Variants in CSMD1 observed in about 807,000 individuals in gnomAD.
CSMD1 encodes the protein CUB and sushi domain-containing protein 1.
In CSMD1, 213 loss-of-function variants were observed where a neutral mutation model predicts 417.5. The observed-to-expected ratio is 0.51, with a 90% confidence interval of 0.46 to 0.57. CSMD1 has a LOEUF of 0.57. CSMD1 is among the 20% of genes least tolerant of loss of function. CSMD1 has a pLI of 0.00. For synonymous variants in CSMD1, 2,862 were observed against 1,736.8 expected (o/e 1.65, Z -16.11); for missense variants, 6,923 against 4,529.7 (o/e 1.53, Z -15.17).
chr8:3,778,620 AC>A (rs1296715252), intron 5 of CSMD1, among the ~76,000 whole-genome samples: 1 of 152,058 alleles, frequency 6.6e-6, no homozygotes, highest in Non-Finnish European at 1.5e-5. Flanking sequence ...TCTGTTCTGC[AC>A]CTCTCCTTCC....
chr8:4,757,196 T>A (rs1446388369), intron 1 of CSMD1, among the ~76,000 whole-genome samples: 1 of 152,208 alleles, frequency 6.6e-6, no homozygotes, highest in Non-Finnish European at 1.5e-5. Flanking sequence ...TTATCAATAT[T>A]AGTTTAGCTG....
chr8:3,212,091 T>C (rs1385041220), intron 30 of CSMD1, among the ~76,000 whole-genome samples: 4 of 152,294 alleles, frequency 2.6e-5, no homozygotes, highest in African/African-American at 9.6e-5. Context: ...TGACCTGTAA[T>C]GCTAGATCAA....
intron 12 of CSMD1, among the ~76,000 whole-genome samples, chr8:3,435,113 C>G (rs897402721): frequency 2.5e-4 from 38 of 152,252 alleles, no homozygotes; most frequent in African/African-American, 7.5e-4. Flanking sequence ...AGACAGCACA[C>G]CCCTACTTCA....
chr8:4,307,400 C>T (rs1325690000), intron 3 of CSMD1, among the ~76,000 whole-genome samples: 4 of 152,152 alleles, frequency 2.6e-5, no homozygotes, highest in African/African-American at 9.7e-5. Flanking sequence ...CTCTTTTCTC[C>T]ACCACAATTC....
At chr8:2,956,546 T>C (rs990346926) in intron 63 of CSMD1, among the ~76,000 whole-genome samples, 1 of 152,076 alleles carries the variant, frequency 6.6e-6, no homozygotes, top group Non-Finnish European at 1.5e-5. Flanking sequence ...CTCCTCCTCC[T>C]GGGTTCACGC....
At position 4,387,770 on chromosome 8, in the gene CSMD1, C is replaced by CT. The variant is rs200960963; in HGVS notation, c.415+32182dup. ...CATATTCAAAAATCCTATCTGAAGG[C>CT]TTATGAGAATTAACAAGACGGATTT... On this transcript the variant is annotated intron_variant, in intron 3 of 69. Coordinates refer to ENST00000635120, the MANE Select transcript of CSMD1 (RefSeq NM_033225.6). Among the ~76,000 whole-genome samples, 219 of 152,124 alleles carry CT rather than the reference C, an allele frequency of 1.4e-3. 2 individuals are homozygous for CT. In the East Asian group the frequency reaches 0.035, roughly 25 times the overall value.
At chr8:4,697,109 T>G (rs1164256675) in intron 1 of CSMD1, among the ~76,000 whole-genome samples, 2 of 151,628 alleles carry the variant, frequency 1.3e-5, no homozygotes, top group Non-Finnish European at 2.9e-5. Flanking sequence ...GAGGGGGAGG[T>G]TGCAGTGAGC....
intron 2 of CSMD1, among the ~76,000 whole-genome samples, chr8:4,565,400 T>G (rs892072956): frequency 3.9e-5 from 6 of 152,146 alleles, no homozygotes; most frequent in African/African-American, 7.2e-5. Context: ...CCTCTTCATT[T>G]TACATTGCAG....
At chr8:3,036,649 A>T (rs539211598) in intron 50 of CSMD1, among the ~76,000 whole-genome samples, 10 of 152,208 alleles carry the variant, frequency 6.6e-5, no homozygotes, top group Non-Finnish European at 1.3e-4. Flanking sequence ...AGAAGCCTAA[A>T]TAACAAGACA....
intron 17 of CSMD1, among the ~76,000 whole-genome samples, 183 bp from the exon 18 acceptor site, chr8:3,387,865 T>C (rs1437912211): frequency 6.6e-6 from 1 of 152,224 alleles, no homozygotes; most frequent in Non-Finnish European, 1.5e-5. Context: ...CCTCGTTTTT[T>C]AAAAGAGAGA....
At chr8:3,081,113 G>T (rs753117940) in intron 49 of CSMD1, among the ~76,000 whole-genome samples, 3 of 152,226 alleles carry the variant, frequency 2.0e-5, no homozygotes, top group Admixed American at 6.5e-5. Context: ...GAGGGACACA[G>T]TGGCATCCAC....
chr8:2,991,950 G>A (rs1222942832), intron 54 of CSMD1, among the ~76,000 whole-genome samples: 2 of 152,182 alleles, frequency 1.3e-5, no homozygotes, highest in Non-Finnish European at 2.9e-5. Context: ...CTACTCTACT[G>A]TCAAGTACAG....
At chr8:4,509,284 G>T (rs1051866747) in intron 2 of CSMD1, among the ~76,000 whole-genome samples, 8 of 152,060 alleles carry the variant, frequency 5.3e-5, no homozygotes, top group Admixed American at 4.6e-4. Context: ...ATAAGTAAAT[G>T]AGTCAGGAGA....
intron 3 of CSMD1, among the ~76,000 whole-genome samples, chr8:4,286,849 AGAT>A (rs1269063768): frequency 6.6e-6 from 1 of 152,156 alleles, no homozygotes; most frequent in Non-Finnish European, 1.5e-5. Flanking sequence ...TGTTATTAGG[AGAT>A]GTGCACTAAT....
At chr8:4,386,528 A>G (rs147981031) in intron 3 of CSMD1, among the ~76,000 whole-genome samples, 1 of 152,240 alleles carries the variant, frequency 6.6e-6, no homozygotes, top group African/African-American at 2.4e-5. Flanking sequence ...GTCTAACTCT[A>G]AAGAGGAACT....
intron 3 of CSMD1, among the ~76,000 whole-genome samples, chr8:4,171,802 C>T (rs1797778371): frequency 6.6e-6 from 1 of 152,100 alleles, no homozygotes; most frequent in African/African-American, 2.4e-5. Flanking sequence ...TAACTTCATT[C>T]ATTAGACAAA....
chr8:4,466,547 G>A (rs549518830), intron 2 of CSMD1, among the ~76,000 whole-genome samples: 1 of 152,170 alleles, frequency 6.6e-6, no homozygotes, highest in Non-Finnish European at 1.5e-5. Flanking sequence ...GGAAAACCAT[G>A]AGCAAAAATG....
At chr8:4,190,099 A>C (rs1205038483) in intron 3 of CSMD1, among the ~76,000 whole-genome samples, 3 of 151,866 alleles carry the variant, frequency 2.0e-5, no homozygotes, top group Non-Finnish European at 4.4e-5. Flanking sequence ...TCTACTAAAA[A>C]ATACAAAAAA....
intron 50 of CSMD1, among the ~76,000 whole-genome samples, chr8:3,042,010 C>G (rs993659215): frequency 1.3e-5 from 2 of 152,170 alleles, no homozygotes; most frequent in Non-Finnish European, 2.9e-5. Context: ...GCACAGAAGC[C>G]TTAACAACTT....
Sources: allele counts gnomAD v4.1 joint callset (sites outside exome capture counted in the v4.1 genomes callset), GRCh38; gene constraint gnomAD v4.1.1; transcripts MANE v1.5; gene names NCBI Gene and HGNC (gene_info 2026-07-23, HGNC 2026-07-21).